Variants in PRSS23 observed in about 807,000 individuals in gnomAD.
The protein encoded by PRSS23 is protease, serine 23.
Under a neutral mutation model 34.7 loss-of-function variants are expected in PRSS23, and 25 were observed. The ratio of observed to expected loss-of-function variants is 0.72; its 90% confidence interval spans 0.53 to 1.01. The LOEUF (loss-of-function observed/expected upper bound fraction) is 1.01, where lower values mean the gene tolerates loss of function less well. Among genes scored for constraint, PRSS23 ranks in the 50% least tolerant of loss-of-function variants. The probability of loss-of-function intolerance (pLI) is 0.00; values close to 1 mark genes in which losing one functional copy is unlikely to be tolerated. For missense variants in PRSS23, 445 were observed against 475.6 expected, an observed-to-expected ratio of 0.94 and a Z score of 0.60; for synonymous variants, 176 against 186.6, an observed-to-expected ratio of 0.94 and a Z score of 0.46.
At chr11:86,927,247 T>G (rs1590931211) in intron 2 of PRSS23, among the ~76,000 whole-genome samples, 1 of 152,148 alleles carries the variant, frequency 6.6e-6, no homozygotes, top group Non-Finnish European at 1.5e-5. Flanking sequence ...TAGGCAGGCG[T>G]TGTCATCTCC....
rs1948303503 is a variant in PRSS23 at position 86,826,640 on chromosome 11, A to C, written c.206+3047A>C. Among the ~76,000 whole-genome samples the C allele has an allele frequency of 7.9e-5, 12 of 152,288 alleles. No homozygotes were observed. The South Asian group carries it at 2.5e-3, about 32-fold the overall frequency. On this transcript the variant is annotated intron_variant, in intron 2 of 2. Coordinates refer to the PRSS23 transcript ENST00000533902. ...TATTGGCTGTGGGTTTGTCATAGAT[A>C]GCTCTTATTATTTTGAGATACGTCC...
intron 2 of PRSS23, among the ~76,000 whole-genome samples, chr11:86,828,986 T>C (rs565250590): frequency 3.0e-4 from 45 of 152,316 alleles, no homozygotes; most frequent in African/African-American, 9.6e-4. Flanking sequence ...GAGTTGCTCT[T>C]CTCGAGGAGT....
intron 1 of PRSS23, among the ~76,000 whole-genome samples, chr11:86,818,539 G>A (rs919206052): frequency 2.6e-5 from 4 of 152,060 alleles, no homozygotes; most frequent in Non-Finnish European, 5.9e-5. Context: ...ATATCACCTT[G>A]TTCTGTAGAT....
At chr11:86,891,346 C>T (rs140525621) in intron 2 of PRSS23, among the ~76,000 whole-genome samples, 1 of 152,276 alleles carries the variant, frequency 6.6e-6, no homozygotes, top group African/African-American at 2.4e-5. Flanking sequence ...GTTTAAAGGT[C>T]CTGACTTAAA....
chr11:86,874,549 C>T lies in PRSS23; in HGVS notation c.206+50956C>T, dbSNP rs114104612. Among the ~76,000 whole-genome samples, 829 of 152,280 alleles carry T rather than the reference C, an allele frequency of 5.4e-3. 10 individuals are homozygous for T. Among genetic ancestry groups the T allele is most frequent in the African/African-American group, 0.019 (771 of 41,552 alleles). On this transcript the variant is annotated intron_variant, in intron 2 of 2. Coordinates refer to the PRSS23 transcript ENST00000533902. ...ATCAGGGATCTGTGAGGCACAGCCC[C>T]GTGGCCACTACAGTACACCTTCCAG...
chr11:86,917,433 A>G lies in PRSS23; in HGVS notation c.207-33783A>G, dbSNP rs1218394614. On this transcript the variant is annotated intron_variant, in intron 2 of 2. Transcript: ENST00000533902. ...GATAAGTCTGTATGGTAGACACATG[A>G]ATGGATCTAACTAATATCCATATTA... Among the ~76,000 whole-genome samples the G allele has an allele frequency of 8.5e-5, 13 of 152,224 alleles. 1 individual carries two copies. Among genetic ancestry groups the G allele is most frequent in the Admixed American group, 8.5e-4 (13 of 15,288 alleles).
chr11:86,835,849 C>T (rs754421896), intron 2 of PRSS23, among the ~76,000 whole-genome samples: 35 of 152,084 alleles, frequency 2.3e-4, no homozygotes, highest in South Asian at 4.2e-4. Flanking sequence ...GGTTTCTGAA[C>T]GGGCAGCTAA....
intron 2 of PRSS23, among the ~76,000 whole-genome samples, chr11:86,837,992 G>C (rs1192416624): frequency 6.6e-6 from 1 of 152,098 alleles, no homozygotes; most frequent in Non-Finnish European, 1.5e-5. Flanking sequence ...CACCTCACCT[G>C]GGAAGTGCAA....
chr11:86,824,545 T>C (rs1948283748), intron 2 of PRSS23, among the ~76,000 whole-genome samples: 1 of 150,882 alleles, frequency 6.6e-6, no homozygotes, highest in Non-Finnish European at 1.5e-5. Context: ...TAGTTACATA[T>C]GTATACATGT....
Position 86,807,625 on chromosome 11 carries a change from C to A in PRSS23, c.-13-6C>A. 2 of 1,587,600 alleles carry A rather than the reference C, an allele frequency of 1.3e-6. No individual in the cohort carries two copies. Among genetic ancestry groups the A allele is most frequent in the Non-Finnish European group, 1.7e-6 (2 of 1,165,902 alleles). On this transcript the variant is annotated splice_region_variant and splice_polypyrimidine_tract_variant and intron_variant, in intron 1 of 1. Coordinates refer to ENST00000280258, the MANE Select transcript of PRSS23 (RefSeq NM_007173.6). ...CCTCCTGACCTGCTTGTCTTTGTTT[C>A]TACAGAACAGTGCTCGGCATGGCAG...
chr11:86,832,628 A>T (rs556047981), intron 2 of PRSS23: 2 of 488,692 alleles, frequency 4.1e-6, no homozygotes, highest in Non-Finnish European at 8.1e-6. Flanking sequence ...CGTGTACATC[A>T]TTGAGGCCAC....
rs573202869 is a variant in PRSS23 at position 86,882,975 on chromosome 11, A to G, written c.206+59382A>G. 2.6e-5 allele frequency among the ~76,000 whole-genome samples: 4 copies of G among 152,178 alleles called. No homozygotes were observed. The South Asian group carries it at 6.2e-4, about 24-fold the overall frequency. ...TCAGTGATGTTCAGCTTTTTTTCAT[A>G]CACTTTTTGGCCACATCTGTATCTT... On this transcript the variant is annotated intron_variant, in intron 2 of 2. Coordinates refer to the PRSS23 transcript ENST00000533902.
At chr11:86,812,787 C>CAA (rs35855610), downstream of PRSS23, among the ~76,000 whole-genome samples, 9,975 of 83,652 alleles carry the variant, frequency 0.12, 489 homozygotes, top group East Asian at 0.31. Context: ...GACTCTGTCT[C>CAA]AAAAAAAAAA....
intron 2 of PRSS23, among the ~76,000 whole-genome samples, chr11:86,825,648 G>A (rs1214382887): frequency 2.6e-5 from 4 of 151,618 alleles, no homozygotes; most frequent in East Asian, 3.9e-4. Flanking sequence ...ATCTTGAATT[G>A]ATTTTTGTAT....
intron 2 of PRSS23, among the ~76,000 whole-genome samples, chr11:86,880,140 C>A (rs1262062656): frequency 1.3e-5 from 2 of 152,160 alleles, no homozygotes; most frequent in African/African-American, 4.8e-5. Context: ...TGATCGGTGA[C>A]CTTACCCCCA....
chr11:86,890,648 C>T (rs67465513), intron 2 of PRSS23, among the ~76,000 whole-genome samples: 28,142 of 152,052 alleles, frequency 0.19, 3,189 homozygotes, highest in African/African-American at 0.33. Context: ...GGGCTGTACA[C>T]GGGATTGAGG....
intron 2 of PRSS23, among the ~76,000 whole-genome samples, chr11:86,887,338 C>G (rs1948808910): frequency 6.6e-6 from 1 of 151,560 alleles, no homozygotes; most frequent in African/African-American, 2.4e-5. Context: ...GCCAACTCTG[C>G]CCAAGATGTG....
In PRSS23 at chr11:86,802,105, C is replaced by T. The variant is rs573034451; in HGVS notation, c.-14+1454C>T. 2.0e-5 allele frequency among the ~76,000 whole-genome samples: 3 copies of T among 152,332 alleles called. No individual in the cohort carries two copies. In the East Asian group the frequency reaches 5.8e-4, roughly 29 times the overall value. Reference sequence around the variant, plus strand: ...CTGCAATGGTTAATAGTCTCAGGTTCTCCCAGTAACTCTTCTCATAGATCC... The same window carrying T: ...CTGCAATGGTTAATAGTCTCAGGTTTTCCCAGTAACTCTTCTCATAGATCC... On this transcript the variant is annotated intron_variant, in intron 1 of 1. Coordinates refer to ENST00000280258, the MANE Select transcript of PRSS23 (RefSeq NM_007173.6).
Position 86,807,629 on chromosome 11 carries a change from A to G in PRSS23, c.-13-2A>G, listed in dbSNP as rs112818811. The G allele has an allele frequency of 6.3e-7, 1 of 1,590,922 alleles. No homozygotes were observed. Among genetic ancestry groups the G allele is most frequent in the East Asian group, 2.2e-5 (1 of 44,530 alleles). ...CTGACCTGCTTGTCTTTGTTTCTACAGAACAGTGCTCGGCATGGCAGGGAT... is the reference window on the plus strand; with the variant it reads ...CTGACCTGCTTGTCTTTGTTTCTACGGAACAGTGCTCGGCATGGCAGGGAT... On this transcript the variant is annotated splice_acceptor_variant, in intron 1 of 1. Coordinates refer to ENST00000280258, the MANE Select transcript of PRSS23 (RefSeq NM_007173.6). LOFTEE classifies it low-confidence loss of function (5UTR_SPLICE).
Sources: allele counts gnomAD v4.1 joint callset (sites outside exome capture counted in the v4.1 genomes callset), GRCh38; gene constraint gnomAD v4.1.1; transcripts MANE v1.5; gene names NCBI Gene and HGNC (gene_info 2026-07-23, HGNC 2026-07-21).